Variants in DOCK3 observed in about 807,000 individuals in gnomAD.
DOCK3 encodes the protein dedicator of cytokinesis protein 3.
In DOCK3, 60 loss-of-function variants were observed where a neutral mutation model predicts 265.6. The observed-to-expected ratio is 0.23, with a 90% CI of 0.18 to 0.28. DOCK3 has a LOEUF of 0.28. DOCK3 is among the 10% of genes least tolerant of loss of function. The pLI, the probability that DOCK3 is intolerant of heterozygous loss-of-function variation, is 1.00. For synonymous variants in DOCK3, 881 were observed against 938.0 expected, an observed-to-expected ratio of 0.94 and a Z score of 1.11; for missense variants, 1,981 against 2,594.3, an observed-to-expected ratio of 0.76 and a Z score of 5.14.
chr3:51,269,093 A>AACTC (rs1474358955), intron 23 of DOCK3, among the ~76,000 whole-genome samples: 2 of 51,552 alleles, frequency 3.9e-5, no homozygotes, highest in African/African-American at 8.1e-5. Context: ...TGAGTTTCAC[A>AACTC]ACTCTCTCTC....
chr3:51,275,037 TCTC>T, intron 24 of DOCK3, 39 bp from the exon 25 acceptor site: 2 of 1,613,420 alleles, frequency 1.2e-6, no homozygotes, highest in Non-Finnish European at 1.7e-6. Flanking sequence ...AGTAGCTAGT[TCTC>T]CTCTAAAGTT....
At chr3:51,194,917 C>T (rs559439463) in intron 12 of DOCK3, among the ~76,000 whole-genome samples, 10 of 151,300 alleles carry the variant, frequency 6.6e-5, no homozygotes, top group Non-Finnish European at 1.2e-4. Flanking sequence ...CTCTGCCTCC[C>T]GAGTTCAAGT....
intron 5 of DOCK3, among the ~76,000 whole-genome samples, chr3:51,010,394 A>G (rs1458006634): frequency 6.6e-6 from 1 of 151,846 alleles, no homozygotes; most frequent in Non-Finnish European, 1.5e-5. Flanking sequence ...GTCTCTTTTG[A>G]TCTTTGTTGG....
At chr3:50,805,406 G>C (rs752780538) in intron 2 of DOCK3, among the ~76,000 whole-genome samples, 1 of 152,172 alleles carries the variant, frequency 6.6e-6, no homozygotes. Flanking sequence ...TTGGGGTATG[G>C]TCAGCTGGGG....
chr3:51,368,544 C>T (rs976254161), intron 49 of DOCK3, among the ~76,000 whole-genome samples: 2 of 152,210 alleles, frequency 1.3e-5, no homozygotes, highest in African/African-American at 4.8e-5. Context: ...AGTAGGTAAA[C>T]AAAGCGGCTG....
chr3:51,118,363 G>A (rs2083845824), intron 9 of DOCK3, among the ~76,000 whole-genome samples: 1 of 152,152 alleles, frequency 6.6e-6, no homozygotes, highest in Admixed American at 6.6e-5. Flanking sequence ...TTGCTGAGGA[G>A]TGCTTTACTT....
At chr3:50,793,358 C>CTTT (rs568370017) in intron 2 of DOCK3, among the ~76,000 whole-genome samples, 1 of 130,800 alleles carries the variant, frequency 7.6e-6, no homozygotes, top group Non-Finnish European at 1.6e-5. Flanking sequence ...TTTTCTTTTT[C>CTTT]TTTTTTTTTT....
intron 3 of DOCK3, chr3:50,876,602 C>G (rs1272406202): frequency 6.6e-6 from 1 of 152,148 alleles, no homozygotes; most frequent in Non-Finnish European, 1.5e-5. Flanking sequence ...TTGTCTTGAT[C>G]AGAGGTACAC....
Position 51,208,544 on chromosome 3 carries a change from T to C in DOCK3, c.1038-230T>C, listed in dbSNP as rs368026729. On this transcript the variant is annotated intron_variant, in intron 12 of 52. Transcript: ENST00000266037. ...TAGTGTTACTTCTGAGAGGAGGAATTTTGCCAATTAAATGTTTGTAGGGAT... is the reference window on the plus strand; with the variant it reads ...TAGTGTTACTTCTGAGAGGAGGAATCTTGCCAATTAAATGTTTGTAGGGAT... Among the ~76,000 whole-genome samples the C allele has an allele frequency of 1.6e-4, 24 of 152,280 alleles. 1 individual carries two copies. In the East Asian group the frequency reaches 2.9e-3, roughly 18 times the overall value.
intron 24 of DOCK3, among the ~76,000 whole-genome samples, chr3:51,273,803 G>A (rs1268338363): frequency 6.6e-6 from 1 of 152,204 alleles, no homozygotes; most frequent in East Asian, 1.9e-4. Flanking sequence ...GCTTGTTTGT[G>A]TTACTGATAA....
intron 2 of DOCK3, among the ~76,000 whole-genome samples, chr3:50,838,715 AT>A (rs1277867237): frequency 6.6e-6 from 1 of 152,234 alleles, no homozygotes; most frequent in Non-Finnish European, 1.5e-5. Flanking sequence ...CATTAAAAGC[AT>A]ATATTTCCTG....
intron 7 of DOCK3, among the ~76,000 whole-genome samples, chr3:51,081,947 A>G (rs547921120): frequency 6.6e-6 from 1 of 151,948 alleles, no homozygotes; most frequent in Non-Finnish European, 1.5e-5. Context: ...GGTGGTATCA[A>G]GATGGCTGAG....
intron 3 of DOCK3, among the ~76,000 whole-genome samples, chr3:50,853,375 G>A (rs868246244): frequency 6.6e-5 from 10 of 151,860 alleles, no homozygotes; most frequent in Non-Finnish European, 1.0e-4. Flanking sequence ...TGTGTAATGA[G>A]GGATGGGGTT....
intron 3 of DOCK3, among the ~76,000 whole-genome samples, chr3:50,853,235 G>A (rs1053809425): frequency 4.0e-5 from 6 of 151,100 alleles, no homozygotes; most frequent in African/African-American, 7.3e-5. Flanking sequence ...GTCTCTTCAC[G>A]AGATCCACTT....
chr3:50,913,677 G>A (rs533790307), intron 4 of DOCK3, among the ~76,000 whole-genome samples: 9 of 152,166 alleles, frequency 5.9e-5, no homozygotes, highest in East Asian at 3.9e-4. Context: ...TGATCCCTTC[G>A]TTGGTGGGCA....
At chr3:51,090,406 G>A (rs199961397) in intron 9 of DOCK3, 22 bp downstream of exon 9, 223 of 1,592,504 alleles carry the variant, frequency 1.4e-4, no homozygotes, top group Non-Finnish European at 1.7e-4. Flanking sequence ...TGGAAATTCT[G>A]GTGAGGTTCT....
intron 35 of DOCK3, among the ~76,000 whole-genome samples, chr3:51,336,115 CAAAT>C (rs2084852777): frequency 6.6e-6 from 1 of 151,530 alleles, no homozygotes; most frequent in Non-Finnish European, 1.5e-5. Context: ...ATTGATTAAA[CAAAT>C]AATCAATAGA....
intron 5 of DOCK3, among the ~76,000 whole-genome samples, chr3:50,956,679 A>G (rs1201980427): frequency 6.6e-6 from 1 of 152,176 alleles, no homozygotes; most frequent in Non-Finnish European, 1.5e-5. Flanking sequence ...GCCAAGCTGA[A>G]GCACATAGAT....
chr3:50,869,342 ATTTTTTTTT>A (rs755531254), intron 3 of DOCK3, among the ~76,000 whole-genome samples: 4 of 70,066 alleles, frequency 5.7e-5, no homozygotes, highest in African/African-American at 2.0e-4. Context: ...TCTGCTGGGA[ATTTTTTTTT>A]TTTTTTTTTT....
Sources: gnomAD v4.1 joint callset for allele counts (sites outside exome capture counted in the v4.1 genomes callset) on GRCh38, gnomAD v4.1.1 for gene constraint, MANE v1.5 for transcripts, NCBI Gene and HGNC (gene_info 2026-07-23, HGNC 2026-07-21) for gene names.